Variants in TCF7L1 observed in about 807,000 individuals in gnomAD.
The protein encoded by TCF7L1 is transcription factor 7 like 1, also known as transcription factor 7-like 1.
A neutral mutation model predicts 63.7 loss-of-function variants in TCF7L1; 18 were observed. The ratio of observed to expected loss-of-function variants is 0.28; its 90% CI spans 0.20 to 0.42. The LOEUF (loss-of-function observed/expected upper bound fraction) is 0.42. TCF7L1 is among the 10% of genes least tolerant of loss of function. The pLI is 1.00. For synonymous variants in TCF7L1, 355 were observed against 340.9 expected, an observed-to-expected ratio of 1.04 and a Z score of -0.46; for missense variants, 654 against 779.3, an observed-to-expected ratio of 0.84 and a Z score of 1.91.
intron 3 of TCF7L1, among the ~76,000 whole-genome samples, chr2:85,270,308 A>G (rs977560014): frequency 3.9e-5 from 6 of 152,044 alleles, no homozygotes; most frequent in African/African-American, 1.4e-4. Flanking sequence ...TGGTCAATGG[A>G]CTTTCTGCAA....
chr2:85,178,448 C>T (rs774113623), intron 3 of TCF7L1, among the ~76,000 whole-genome samples: 1 of 152,140 alleles, frequency 6.6e-6, no homozygotes, highest in Non-Finnish European at 1.5e-5. Flanking sequence ...ATTTACTGAA[C>T]TCCTCCTGTG....
intron 3 of TCF7L1, among the ~76,000 whole-genome samples, chr2:85,219,479 A>G (rs1415548331): frequency 6.6e-6 from 1 of 152,208 alleles, no homozygotes; most frequent in Non-Finnish European, 1.5e-5. Context: ...GTGGCCATCT[A>G]TGTATTAAAT....
intron 3 of TCF7L1, among the ~76,000 whole-genome samples, chr2:85,263,280 C>T (rs1404995185): frequency 7.2e-6 from 1 of 139,582 alleles, no homozygotes. Flanking sequence ...ACTGAGCAGG[C>T]ATCGGGAACC....
intron 3 of TCF7L1, among the ~76,000 whole-genome samples, chr2:85,211,010 C>T (rs1372189234): frequency 6.6e-6 from 1 of 152,210 alleles, no homozygotes; most frequent in Non-Finnish European, 1.5e-5. Flanking sequence ...CCAGAGGCAC[C>T]TTGACTTCTG....
At chr2:85,217,290 G>A (rs1414135103) in intron 3 of TCF7L1, 1 of 152,190 alleles carries the variant, frequency 6.6e-6, no homozygotes, top group Non-Finnish European at 1.5e-5. Flanking sequence ...AACCTGGCAA[G>A]TTATACTGAC....
At chr2:85,299,404 T>G (rs1681909459) in intron 4 of TCF7L1, among the ~76,000 whole-genome samples, 1 of 151,142 alleles carries the variant, frequency 6.6e-6, no homozygotes, top group Non-Finnish European at 1.5e-5. Context: ...ACAAAAAAAT[T>G]AGCCGGACAT....
intron 3 of TCF7L1, among the ~76,000 whole-genome samples, chr2:85,155,296 C>T (rs1448705598): frequency 6.6e-6 from 1 of 152,130 alleles, no homozygotes; most frequent in African/African-American, 2.4e-5. Flanking sequence ...AGGACATGGG[C>T]GGGGACAAAT....
At chr2:85,142,573 G>A (rs1397720383) in intron 3 of TCF7L1, among the ~76,000 whole-genome samples, 1 of 151,932 alleles carries the variant, frequency 6.6e-6, no homozygotes, top group Non-Finnish European at 1.5e-5. Flanking sequence ...ATAAGTAACT[G>A]GGGATGGGGA....
At chr2:85,302,736 A>C in intron 5 of TCF7L1, 120 bp downstream of exon 5, 1 of 1,322,204 alleles carries the variant, frequency 7.6e-7, no homozygotes, top group South Asian at 1.4e-5. Context: ...TTGTCTCAGG[A>C]GTCTTTGGAC....
intron 3 of TCF7L1, among the ~76,000 whole-genome samples, chr2:85,173,056 C>T (rs556589271): frequency 6.6e-6 from 1 of 152,352 alleles, no homozygotes; most frequent in East Asian, 1.9e-4. Flanking sequence ...TGAGTGGCAG[C>T]AGTATTTTAA....
chr2:85,179,595 T>C (rs1156653463), intron 3 of TCF7L1, among the ~76,000 whole-genome samples: 2 of 152,156 alleles, frequency 1.3e-5, no homozygotes, highest in Non-Finnish European at 2.9e-5. Context: ...GTCAAGGGGC[T>C]CTGGCTAAGT....
intron 3 of TCF7L1, among the ~76,000 whole-genome samples, chr2:85,154,083 C>T (rs141343810): frequency 6.6e-6 from 1 of 152,154 alleles, no homozygotes; most frequent in East Asian, 1.9e-4. Context: ...TAAATAAAGC[C>T]GAGGTCTGTG....
intron 3 of TCF7L1, among the ~76,000 whole-genome samples, chr2:85,252,887 A>G (rs1573010916): frequency 1.3e-5 from 2 of 152,324 alleles, no homozygotes; most frequent in South Asian, 4.1e-4. Flanking sequence ...AGGAAACAGA[A>G]TGGCTTTCTG....
intron 3 of TCF7L1, among the ~76,000 whole-genome samples, chr2:85,228,883 G>GC (rs1680011918): frequency 6.6e-6 from 1 of 151,364 alleles, no homozygotes; most frequent in Non-Finnish European, 1.5e-5. Flanking sequence ...TAGCCGGGGA[G>GC]GGTGGTGGGC....
intron 3 of TCF7L1, among the ~76,000 whole-genome samples, chr2:85,199,164 C>A (rs1204955830): frequency 6.6e-6 from 1 of 152,164 alleles, no homozygotes; most frequent in Non-Finnish European, 1.5e-5. Flanking sequence ...ATGGTTCAGG[C>A]TGGAGTAACT....
intron 3 of TCF7L1, among the ~76,000 whole-genome samples, chr2:85,237,935 A>AAG (rs1325329857): frequency 6.6e-6 from 1 of 151,962 alleles, no homozygotes; most frequent in African/African-American, 2.4e-5. Flanking sequence ...TGAGCGGACA[A>AAG]AGAGGAAAGT....
In TCF7L1 at chr2:85,136,466, CCAACCTTTCGT is replaced by C. The variant is rs111799102; in HGVS notation, c.441+2018_441+2028del. On this transcript the variant is annotated intron_variant, in intron 3 of 11. Transcript: ENST00000282111. Reference sequence around the variant, plus strand: ...ATTTTGGAGCCCCTCCTTGAGGCAGCCAACCTTTCGTCTCTGCATGCCTCTCTGACTGTCCT... The same window carrying C: ...ATTTTGGAGCCCCTCCTTGAGGCAGCCTCTGCATGCCTCTCTGACTGTCCT... Among the ~76,000 whole-genome samples, 711 of 152,296 alleles carry C rather than the reference CCAACCTTTCGT, an allele frequency of 4.7e-3. 5 individuals are homozygous for C. Among genetic ancestry groups the C allele is most frequent in the African/African-American group, 0.016 (671 of 41,560 alleles).
In TCF7L1 at chr2:85,173,479, G is replaced by C. The variant is rs6735433; in HGVS notation, c.441+39029G>C. Among the ~76,000 whole-genome samples, 1,047 of 152,276 alleles carry C rather than the reference G, an allele frequency of 6.9e-3. 14 individuals are homozygous for C. The highest frequency in any genetic ancestry group is 0.024 in the African/African-American group (985 of 41,538). On this transcript the variant is annotated intron_variant, in intron 3 of 11. Coordinates refer to ENST00000282111, the MANE Select transcript of TCF7L1 (RefSeq NM_031283.3). Reference sequence around the variant, plus strand: ...GGAGGGGCGCATGATTTTGATTACAGCACAGGGTACCTATTGATTGAATTA... The same window carrying C: ...GGAGGGGCGCATGATTTTGATTACACCACAGGGTACCTATTGATTGAATTA...
At chr2:85,161,541 T>C (rs891751624) in intron 3 of TCF7L1, among the ~76,000 whole-genome samples, 12 of 152,190 alleles carry the variant, frequency 7.9e-5, no homozygotes, top group Non-Finnish European at 1.8e-4. Flanking sequence ...ATGGCTGGCC[T>C]CAGAGGAAGG....
Sources: gnomAD v4.1 joint callset for allele counts (sites outside exome capture counted in the v4.1 genomes callset) on GRCh38, gnomAD v4.1.1 for gene constraint, MANE v1.5 for transcripts, NCBI Gene and HGNC (gene_info 2026-07-23, HGNC 2026-07-21) for gene names.